Variants in BIRC6 observed in about 807,000 individuals in gnomAD.
BIRC6 encodes the protein dual E2 ubiquitin-conjugating enzyme/E3 ubiquitin-protein ligase BIRC6.
In BIRC6, 98 loss-of-function variants were observed where a neutral mutation model predicts 503.3. That is an observed-to-expected ratio of 0.19 (90% CI 0.17 to 0.23). The LOEUF is 0.23. Ranked by LOEUF, BIRC6 falls within the 10% of genes least tolerant of loss-of-function variation. The pLI is 1.00. For synonymous variants in BIRC6, 2,240 were observed against 2,078.7 expected, an observed-to-expected ratio of 1.08 and a Z score of -2.11; for missense variants, 5,360 against 5,806.0, an observed-to-expected ratio of 0.92 and a Z score of 2.50.
intron 1 of BIRC6, among the ~76,000 whole-genome samples, chr2:32,367,474 CAAAA>C (rs1285613944): frequency 6.7e-6 from 1 of 150,154 alleles, no homozygotes; most frequent in African/African-American, 2.4e-5. Flanking sequence ...AAAAAAAAAA[CAAAA>C]AAACGAAAAA....
chr2:32,517,212 G>A (rs1352648918), intron 55 of BIRC6, among the ~76,000 whole-genome samples: 2 of 152,000 alleles, frequency 1.3e-5, no homozygotes, highest in East Asian at 1.9e-4. Context: ...ATGGTGATAC[G>A]TGCCTTTGGT....
chr2:32,399,339 G>C (rs959147483), intron 6 of BIRC6, among the ~76,000 whole-genome samples: 5 of 152,212 alleles, frequency 3.3e-5, no homozygotes, highest in African/African-American at 4.8e-5. Context: ...ACCCATCTCA[G>C]CCTCCCAAAG....
intron 63 of BIRC6, among the ~76,000 whole-genome samples, chr2:32,547,595 A>C (rs1231675106): frequency 6.6e-6 from 1 of 152,146 alleles, no homozygotes; most frequent in Non-Finnish European, 1.5e-5. Context: ...ATCGGTTGGC[A>C]TCTAGGCTAT....
chr2:32,540,484 G>C (rs1035667385), intron 61 of BIRC6, among the ~76,000 whole-genome samples: 2 of 151,938 alleles, frequency 1.3e-5, no homozygotes, highest in African/African-American at 4.8e-5. Context: ...TTTTATCCTA[G>C]TATATCAGAA....
At chr2:32,483,290 C>T (rs2050623477) in intron 39 of BIRC6, among the ~76,000 whole-genome samples, 1 of 151,998 alleles carries the variant, frequency 6.6e-6, no homozygotes, top group East Asian at 1.9e-4. Context: ...CATTTTTTCC[C>T]TTTTCAACGC....
intron 54 of BIRC6, among the ~76,000 whole-genome samples, chr2:32,514,548 C>G (rs184778322): frequency 6.6e-6 from 1 of 152,266 alleles, no homozygotes; most frequent in Admixed American, 6.5e-5. Flanking sequence ...CATATTTGGC[C>G]TTAGCGATTG....
At position 32,468,644 on chromosome 2, in the gene BIRC6, G is replaced by C. The variant is rs2048807279; in HGVS notation, c.5988G>C (p.Val1996=). The change falls in exon 29 of 74, where the codon GTG becomes GTC. Residue 1996 remains valine, a synonymous_variant. Coordinates refer to ENST00000421745, the MANE Select transcript of BIRC6 (RefSeq NM_016252.4). ...LAHNAVQRLK[V]ALGASRKMLS... is the part of the protein sequence containing the mutation. The stretch of plus-strand genomic sequence containing the variant: ...ATAATGCAGTGCAGAGGCTCAAAGT[G>C]GCGCTAGGTGCAAGCCGGAAGATGT... 2 of 1,613,856 alleles carry C rather than the reference G, an allele frequency of 1.2e-6. No homozygotes were observed. The highest frequency in any genetic ancestry group is 2.7e-5 in the African/African-American group (2 of 74,938).
chr2:32,472,568 G>A (rs563066235), intron 32 of BIRC6, among the ~76,000 whole-genome samples: 70 of 152,112 alleles, frequency 4.6e-4, no homozygotes, highest in Non-Finnish European at 9.1e-4. Context: ...AGGAAAAGAT[G>A]TTTTGGGATT....
Position 32,581,706 on chromosome 2 carries a change from A to C in BIRC6, c.13355+6340A>C, listed in dbSNP as rs528988266. 2.6e-5 allele frequency among the ~76,000 whole-genome samples: 4 copies of C among 152,358 alleles called. No homozygotes were observed. In the South Asian group the frequency reaches 8.3e-4, roughly 32 times the overall value. ...ATATATTAGACCATGTGTGCAAAGC[A>C]GTACAATCGGGAATAATCATTCAGA... On this transcript the variant is annotated intron_variant, in intron 66 of 73. Transcript: ENST00000421745.
intron 8 of BIRC6, among the ~76,000 whole-genome samples, chr2:32,405,619 T>C (rs1348786170): frequency 6.6e-6 from 1 of 152,178 alleles, no homozygotes; most frequent in Non-Finnish European, 1.5e-5. Flanking sequence ...AGACTTTGTC[T>C]TGTCTTGATG....
rs764631720 is a variant in BIRC6, at chr2:32,508,210, A to G, written c.9931A>G (p.Thr3311Ala). The change falls in exon 51 of 74, where the codon ACA becomes GCA. Residue 3311 changes from threonine (T) to alanine (A), a missense_variant. Coordinates refer to ENST00000421745, the MANE Select transcript of BIRC6 (RefSeq NM_016252.4). ...TGCTTTTGGTACCACCTCTTCTGCA[A>G]CAGTTAATAATCCATTCCTTCCATC... ...LTAFGTTSSA[T>A]VNNPFLPSED... 12 of 1,610,518 alleles carry G rather than the reference A, an allele frequency of 7.5e-6. No homozygotes were observed. In the African/African-American group the frequency reaches 1.3e-4, roughly 18 times the overall value.
chr2:32,393,329 TAAA>T lies in BIRC6; in HGVS notation c.951+1182_951+1184del, dbSNP rs1032865665. Reference sequence around the variant, plus strand: ...ACAGAGGCATAAGAATGGGACATTATAAAAAGCTTTGCTGAATTAGAGGGAAGT... The same window carrying T: ...ACAGAGGCATAAGAATGGGACATTATAAGCTTTGCTGAATTAGAGGGAAGT... On this transcript the variant is annotated intron_variant, in intron 5 of 73. Coordinates refer to ENST00000421745, the MANE Select transcript of BIRC6 (RefSeq NM_016252.4). Among the ~76,000 whole-genome samples, 8 of 152,248 alleles carry T rather than the reference TAAA, an allele frequency of 5.3e-5. No individual in the cohort carries two copies. The East Asian group carries it at 1.5e-3, about 29-fold the overall frequency.
intron 9 of BIRC6, among the ~76,000 whole-genome samples, chr2:32,407,548 G>A (rs1331460911): frequency 6.6e-6 from 1 of 151,040 alleles, no homozygotes; most frequent in Non-Finnish European, 1.5e-5. Flanking sequence ...TTATTAAATT[G>A]TGGCTATTGT....
chr2:32,609,285 C>CTGTGTCTGTG (rs1553535789), intron 72 of BIRC6, among the ~76,000 whole-genome samples: 3 of 147,552 alleles, frequency 2.0e-5, no homozygotes, highest in Non-Finnish European at 4.5e-5. Flanking sequence ...AAGTGTGGCT[C>CTGTGTCTGTG]TGTGTGTGTG....
Position 32,453,754 on chromosome 2 carries a change from ATTG to A in BIRC6, c.4619-53_4619-51del. 4 of 1,544,990 alleles carry A rather than the reference ATTG, an allele frequency of 2.6e-6. 1 individual carries two copies. In the South Asian group the frequency reaches 4.5e-5, roughly 18 times the overall value. On this transcript the variant is annotated intron_variant, in intron 22 of 73. Coordinates refer to ENST00000421745, the MANE Select transcript of BIRC6 (RefSeq NM_016252.4). ...TGCAGCTATAATTATTGTTGTGACT[ATTG>A]CTTTTTAAAAATTATCTTCACGTGT...
In BIRC6 at chr2:32,487,633, T is replaced by C; in HGVS notation, c.7814-14T>C. 1 of 1,609,020 alleles carries C rather than the reference T, an allele frequency of 6.2e-7. No individual in the cohort carries two copies. The highest frequency in any genetic ancestry group is 8.5e-7 in the Non-Finnish European group (1 of 1,175,818). ...TACTTTATGTATAAAATTATACTTG[T>C]GTTTAATTTTCAGTATCACAGTCTC... On this transcript the variant is annotated splice_polypyrimidine_tract_variant and intron_variant, in intron 40 of 73. Transcript: ENST00000421745.
intron 22 of BIRC6, among the ~76,000 whole-genome samples, chr2:32,450,304 C>A (rs536485100): frequency 3.9e-5 from 6 of 152,236 alleles, no homozygotes; most frequent in African/African-American, 1.4e-4. Context: ...CGGTGAAACC[C>A]CGTCTCTACT....
intron 31 of BIRC6, 105 bp from the exon 32 acceptor site, chr2:32,470,909 T>C: frequency 1.7e-6 from 2 of 1,169,838 alleles, no homozygotes; most frequent in East Asian, 5.5e-5. Context: ...AATGATAAGA[T>C]ATGTTTTGGA....
chr2:32,598,046 G>C, intron 69 of BIRC6, 78 bp downstream of exon 69: 4 of 1,263,182 alleles, frequency 3.2e-6, no homozygotes, highest in Non-Finnish European at 4.4e-6. Context: ...TACAAAACTG[G>C]AAATACTATA....
Sources: gnomAD v4.1 joint callset for allele counts (sites outside exome capture counted in the v4.1 genomes callset) on GRCh38, gnomAD v4.1.1 for gene constraint, MANE v1.5 for transcripts, NCBI Gene and HGNC (gene_info 2026-07-23, HGNC 2026-07-21) for gene names.